The following CSTF3 variants were observed in gnomAD, a reference collection of about 807,000 sequenced individuals.
CSTF3 encodes CF-1 77 kDa subunit.
In CSTF3, 29 loss-of-function variants were observed where a neutral mutation model predicts 105.8. The ratio of observed to expected loss-of-function variants is 0.27; its 90% CI spans 0.20 to 0.37. The LOEUF is 0.37. Ranked by LOEUF, CSTF3 falls within the 10% of genes least tolerant of loss-of-function variation. The pLI, the probability that CSTF3 is intolerant of heterozygous loss-of-function variation, is 1.00. For missense variants in CSTF3, 357 were observed against 879.3 expected (o/e 0.41, Z 7.51); for synonymous variants, 252 against 281.9 (o/e 0.89, Z 1.06).
chr11:33,138,360 G>A (rs572463957), intron 3 of CSTF3, among the ~76,000 whole-genome samples: 2 of 151,844 alleles, frequency 1.3e-5, no homozygotes, highest in Non-Finnish European at 3.0e-5. Context: ...AGAAACCACA[G>A]GCTGGGTGGG....
intron 13 of CSTF3, among the ~76,000 whole-genome samples, chr11:33,097,516 C>T (rs1213902466): frequency 6.6e-6 from 1 of 152,116 alleles, no homozygotes; most frequent in African/African-American, 2.4e-5. Flanking sequence ...ACTACAGGCA[C>T]ACGCCACCAC....
Position 33,103,099 on chromosome 11 carries a change from T to C in CSTF3, c.663+8A>G, listed in dbSNP as rs544667799. On this transcript the variant is annotated splice_region_variant and intron_variant, in intron 9 of 20. Transcript: ENST00000323959. ...TAATCATTAAAATAGCCTGATGGAATTCCATACCTTTGCTACACGTCTAGC... is the reference window on the plus strand; with the variant it reads ...TAATCATTAAAATAGCCTGATGGAACTCCATACCTTTGCTACACGTCTAGC... 11 of 1,529,868 alleles carry C rather than the reference T, an allele frequency of 7.2e-6. No homozygotes were observed. In the East Asian group the frequency reaches 9.5e-5, roughly 13 times the overall value. The allele number at this position is 1,529,868 out of a possible 1,614,324, so 94.8% of individuals were successfully genotyped here.
chr11:33,134,597 C>G (rs1160592110), intron 3 of CSTF3: 2 of 152,084 alleles, frequency 1.3e-5, no homozygotes, highest in African/African-American at 4.8e-5. Context: ...AAAATTTAGT[C>G]TAATGTAATT....
rs2133774402 is a variant in CSTF3, at chr11:33,099,742, T to C, written c.827-25A>G. On this transcript the variant is annotated intron_variant, in intron 10 of 20. Transcript: ENST00000323959. This position sits in a 1 kb window ranked among gnomAD's most constrained non-coding sequence, Gnocchi z 4.1. ...ACTAAGGGAAGAAATTAACAAACAATATTCAATTAAAATAATTATTATTTG... is the reference window on the plus strand; with the variant it reads ...ACTAAGGGAAGAAATTAACAAACAACATTCAATTAAAATAATTATTATTTG... 1 of 1,373,516 alleles carries C rather than the reference T, an allele frequency of 7.3e-7. No homozygotes were observed. Among genetic ancestry groups the C allele is most frequent in the Non-Finnish European group, 1.0e-6 (1 of 992,556 alleles). 85.1% of individuals were successfully genotyped at this position (1,373,516 alleles called of 1,614,324 possible).
chr11:33,153,404 C>G (rs1003604351), intron 1 of CSTF3, among the ~76,000 whole-genome samples: 3 of 152,046 alleles, frequency 2.0e-5, no homozygotes, highest in Non-Finnish European at 4.4e-5. Flanking sequence ...GAGCTCATAA[C>G]TTTTATTAGG....
intron 3 of CSTF3, among the ~76,000 whole-genome samples, chr11:33,135,229 CCT>C (rs1435385961): frequency 6.6e-6 from 1 of 152,046 alleles, no homozygotes; most frequent in African/African-American, 2.4e-5. Flanking sequence ...TAACCCTGAC[CCT>C]GACTGTGAAT....
chr11:33,136,658 G>C (rs1237812723), intron 3 of CSTF3, among the ~76,000 whole-genome samples: 1 of 151,940 alleles, frequency 6.6e-6, no homozygotes, highest in African/African-American at 2.4e-5. Flanking sequence ...AAAATGCTCA[G>C]CACTGTAAAA....
In CSTF3 at chr11:33,099,838, G is replaced by A. The variant is rs912896040; in HGVS notation, c.827-121C>T. The A allele has an allele frequency of 1.7e-6, 1 of 571,878 alleles. No homozygotes were observed. The highest frequency in any genetic ancestry group is 2.0e-5 in the African/African-American group (1 of 51,114). The allele number at this position is 571,878 out of a possible 1,614,324, so 35.4% of individuals were successfully genotyped here. ...AATTAATGATAATTAGAAATAAAAA[G>A]CTTTAGTGATTTCTGGCACCATCAT... On this transcript the variant is annotated intron_variant, in intron 10 of 20. Coordinates refer to ENST00000323959, the MANE Select transcript of CSTF3 (RefSeq NM_001326.3). This position sits in a 1 kb window ranked among gnomAD's most constrained non-coding sequence, Gnocchi z 4.1.
chr11:33,093,405 T>C (rs991824640), intron 15 of CSTF3, among the ~76,000 whole-genome samples: 19 of 152,302 alleles, frequency 1.2e-4, no homozygotes, highest in African/African-American at 4.6e-4. Flanking sequence ...TGCATTTATC[T>C]TTCTTTACCT....
intron 1 of CSTF3, among the ~76,000 whole-genome samples, chr11:33,160,780 G>A (rs1467904399): frequency 6.6e-6 from 1 of 152,142 alleles, no homozygotes; most frequent in Admixed American, 6.5e-5. Context: ...AAAAGAAAAC[G>A]AAAGAAAGCC....
At position 33,085,201 on chromosome 11, in the gene CSTF3, G is replaced by A. The variant is rs764009540; in HGVS notation, c.2040C>T (p.Leu680=). ...CGTTGGGCCTTTTGACGGCCTTGGT[G>A]AGTACTGCATTACTTTCCACGGGGC... is the stretch of plus-strand genomic sequence containing the variant. ...GNGPVESNAV[L]TKAVKRPNED... The change falls in exon 21 of 21, where the codon CTC becomes CTT. Residue 680 remains leucine, a synonymous_variant. Transcript: ENST00000323959. The A allele has an allele frequency of 1.2e-6, 2 of 1,614,036 alleles. No individual in the cohort carries two copies. The highest frequency in any genetic ancestry group is 1.7e-6 in the Non-Finnish European group (2 of 1,179,976).
chr11:33,130,292 G>A (rs1855585392), intron 3 of CSTF3, among the ~76,000 whole-genome samples: 1 of 152,120 alleles, frequency 6.6e-6, no homozygotes, highest in African/African-American at 2.4e-5. Flanking sequence ...GGCCAACGTG[G>A]TGAAAGCCTG....
intron 3 of CSTF3, among the ~76,000 whole-genome samples, chr11:33,136,620 T>C (rs1445199416): frequency 6.6e-6 from 1 of 151,970 alleles, no homozygotes; most frequent in African/African-American, 2.4e-5. Context: ...AATTGCCACC[T>C]GATTCCCCTG....
At chr11:33,086,700 A>T (rs192685000) in intron 18 of CSTF3, among the ~76,000 whole-genome samples, 2 of 152,366 alleles carry the variant, frequency 1.3e-5, no homozygotes, top group Admixed American at 1.3e-4. Flanking sequence ...GGCCTCCCAA[A>T]GTGCCAGGAT....
In CSTF3 at chr11:33,096,363, A is replaced by AT; in HGVS notation, c.1317dup (p.Tyr440IlefsTer13). The AT allele has an allele frequency of 1.2e-6, 2 of 1,603,060 alleles. No individual in the cohort carries two copies. The highest frequency in any genetic ancestry group is 1.7e-6 in the Non-Finnish European group (2 of 1,177,852). On this transcript the variant is annotated frameshift_variant, in exon 15 of 21. Transcript: ENST00000323959. LOFTEE classifies it high-confidence loss of function. ...AGGACATACTCTGGAATGTCTCCATATTTTTTTAGCCCCAGCTCAAAAATC... is the reference window on the plus strand; with the variant it reads ...AGGACATACTCTGGAATGTCTCCATATTTTTTTTAGCCCCAGCTCAAAAATC...
intron 1 of CSTF3, chr11:33,156,857 T>G: frequency 2.9e-6 from 1 of 343,500 alleles, no homozygotes; most frequent in Non-Finnish European, 5.7e-6. Flanking sequence ...ATCCATTCAT[T>G]TACTGAATAC....
intron 3 of CSTF3, among the ~76,000 whole-genome samples, chr11:33,123,851 C>A (rs1855517801): frequency 6.6e-6 from 1 of 151,892 alleles, no homozygotes; most frequent in African/African-American, 2.4e-5. Flanking sequence ...CTGTAGGTTT[C>A]TTTTGTTATC....
intron 3 of CSTF3, among the ~76,000 whole-genome samples, chr11:33,126,548 G>T (rs934783664): frequency 6.6e-6 from 1 of 152,048 alleles, no homozygotes; most frequent in East Asian, 1.9e-4. Flanking sequence ...ATATTTAGGG[G>T]TATTAGACAA....
chr11:33,159,452 C>T (rs1849908376), intron 1 of CSTF3, among the ~76,000 whole-genome samples: 3 of 151,832 alleles, frequency 2.0e-5, no homozygotes, highest in Non-Finnish European at 2.9e-5. Flanking sequence ...CAAAAATTAG[C>T]GGGGCATGGT....
Sources: allele counts gnomAD v4.1 joint callset (sites outside exome capture counted in the v4.1 genomes callset), GRCh38; gene constraint gnomAD v4.1.1; non-coding constraint Gnocchi (gnomAD v3.1); transcripts MANE v1.5; gene names NCBI Gene and HGNC (gene_info 2026-07-23, HGNC 2026-07-21).